The following BAZ1A variants were observed in gnomAD, a reference collection of about 807,000 sequenced individuals.
BAZ1A encodes the protein bromodomain adjacent to zinc finger domain 1A, also known as bromodomain adjacent to zinc finger domain protein 1A.
A neutral mutation model predicts 185.2 loss-of-function variants in BAZ1A; 50 were observed. The observed-to-expected ratio is 0.27, with a 90% CI of 0.22 to 0.34. The LOEUF is 0.34. Ranked by LOEUF, BAZ1A falls within the 10% of genes least tolerant of loss-of-function variation. The probability of loss-of-function intolerance (pLI) is 1.00; values close to 1 mark genes in which losing one functional copy is unlikely to be tolerated. For missense variants in BAZ1A, 1,356 were observed against 1,839.9 expected, an observed-to-expected ratio of 0.74 and a Z score of 4.81; for synonymous variants, 571 against 615.6, an observed-to-expected ratio of 0.93 and a Z score of 1.07.
chr14:34,836,378 C>CAAAAAAA (rs773500177), intron 3 of BAZ1A, among the ~76,000 whole-genome samples: 1 of 13,130 alleles, frequency 7.6e-5, no homozygotes, highest in Non-Finnish European at 1.2e-4. Context: ...GACTCCGTCT[C>CAAAAAAA]AAAAAAAAAA....
At position 34,762,283 on chromosome 14, in the gene BAZ1A, C is replaced by T. The variant is rs1315766833; in HGVS notation, c.3777-60G>A. ...AGAGCAATGATGAACATATGATTAG[C>T]TCTATTCTCCTTGTTGTATTTAGCC... On this transcript the variant is annotated intron_variant, in intron 23 of 26. Transcript: ENST00000360310. 3.4e-6 allele frequency: 5 copies of T among 1,460,582 alleles called. No individual in the cohort carries two copies. The East Asian group carries it at 9.1e-5, about 27-fold the overall frequency. 90.5% of individuals were successfully genotyped at this position (1,460,582 alleles called of 1,614,324 possible). A position where few individuals can be genotyped will look rare whatever the true frequency, so the allele number is the denominator to read the frequency against.
At chr14:34,855,110 A>G (rs1165807432) in intron 3 of BAZ1A, among the ~76,000 whole-genome samples, 1 of 152,050 alleles carries the variant, frequency 6.6e-6, no homozygotes, top group African/African-American at 2.4e-5. Flanking sequence ...AATAATACCA[A>G]GTGTTAAGTT....
At chr14:34,769,190 A>G (rs1190057619) in intron 21 of BAZ1A, among the ~76,000 whole-genome samples, 1 of 152,062 alleles carries the variant, frequency 6.6e-6, no homozygotes, top group African/African-American at 2.4e-5. Context: ...CTTCCCAATC[A>G]CTGATATTCT....
intron 12 of BAZ1A, among the ~76,000 whole-genome samples, chr14:34,790,168 CTTTTTTT>C (rs60291735): frequency 7.1e-6 from 1 of 140,670 alleles, no homozygotes; most frequent in South Asian, 2.3e-4. Context: ...TAAATATTTT[CTTTTTTT>C]TTTTTTTCCC....
chr14:34,771,956 C>T (rs113892727), intron 20 of BAZ1A, among the ~76,000 whole-genome samples: 7 of 150,508 alleles, frequency 4.7e-5, no homozygotes, highest in African/African-American at 1.7e-4. Context: ...CTTGTTTTGC[C>T]CTTTTTTTTT....
At chr14:34,777,016 T>C (rs1448600540) in intron 17 of BAZ1A, among the ~76,000 whole-genome samples, 1 of 152,176 alleles carries the variant, frequency 6.6e-6, no homozygotes, top group Non-Finnish European at 1.5e-5. Flanking sequence ...TACTTAAATC[T>C]AAAGGGGCAT....
chr14:34,783,621 C>T (rs1880201199), intron 15 of BAZ1A, 141 bp downstream of exon 15: 1 of 1,132,502 alleles, frequency 8.8e-7, no homozygotes, highest in Non-Finnish European at 1.2e-6. Flanking sequence ...GCCACCACAC[C>T]TGGCCTCATT....
At chr14:34,819,576 AC>A (rs1384984882) in intron 4 of BAZ1A, among the ~76,000 whole-genome samples, 1 of 152,138 alleles carries the variant, frequency 6.6e-6, no homozygotes. Context: ...GTGCATTTAA[AC>A]TTTCTCCGTG....
At chr14:34,833,011 A>G (rs555333979) in intron 3 of BAZ1A, among the ~76,000 whole-genome samples, 14 of 152,300 alleles carry the variant, frequency 9.2e-5, no homozygotes, top group African/African-American at 3.4e-4. Flanking sequence ...TACATGCTAC[A>G]ATGTGGATGA....
Position 34,759,184 on chromosome 14 carries a change from T to TTTTTTGTTTTTTG in BAZ1A, c.4244-339_4244-338insCAAAAAACAAAAA, listed in dbSNP as rs1555336963. Among the ~76,000 whole-genome samples, 3 of 108,028 alleles carry TTTTTTGTTTTTTG rather than the reference T, an allele frequency of 2.8e-5. 1 individual carries two copies. The highest frequency in any genetic ancestry group is 7.8e-5 in the African/African-American group (2 of 25,772). The allele number at this position is 108,028 out of a possible 152,430, so 70.9% of individuals were successfully genotyped here. A position where few individuals can be genotyped will look rare whatever the true frequency, so the allele number is the denominator to read the frequency against. Reference sequence around the variant, plus strand: ...TTTACAGCTACAGTTTTTTTTTTTTTTTTTTTTTTTTTTTGAGATGGAGTC... The same window carrying TTTTTTGTTTTTTG: ...TTTACAGCTACAGTTTTTTTTTTTTTTTTTTGTTTTTTGTTTTTTTTTTTTTTGAGATGGAGTC... On this transcript the variant is annotated intron_variant, in intron 24 of 26. Transcript: ENST00000360310.
At chr14:34,791,662 C>T (rs1316114335) in intron 12 of BAZ1A, among the ~76,000 whole-genome samples, 1 of 152,136 alleles carries the variant, frequency 6.6e-6, no homozygotes, top group Non-Finnish European at 1.5e-5. Context: ...TCTTTCTGTA[C>T]CAATATTCTG....
Position 34,792,785 on chromosome 14 carries a change from A to T in BAZ1A, c.1500T>A (p.Ala500=). Residue 500 remains alanine (A), a synonymous_variant, in exon 12 of 27, where the codon GCT becomes GCA. Coordinates refer to ENST00000360310, the MANE Select transcript of BAZ1A (RefSeq NM_013448.3). Reference sequence around the variant, plus strand: ...ATGTTGAACTCTGACCTTTGGTGTCAGCATCAGTTAGTTGCTCTTTGGCTA... The same window carrying T: ...ATGTTGAACTCTGACCTTTGGTGTCTGCATCAGTTAGTTGCTCTTTGGCTA... ...EEVAKEQLTD[A]DTKDLTEALD... 1 of 1,613,866 alleles carries T rather than the reference A, an allele frequency of 6.2e-7. No homozygotes were observed. The highest frequency in any genetic ancestry group is 1.3e-5 in the African/African-American group (1 of 75,062).
chr14:34,873,076 C>T (rs1193642676), intron 2 of BAZ1A, among the ~76,000 whole-genome samples: 1 of 152,134 alleles, frequency 6.6e-6, no homozygotes, highest in Non-Finnish European at 1.5e-5. Flanking sequence ...AAGTACTCTA[C>T]TTCTCTGGAT....
chr14:34,768,637 A>G, intron 21 of BAZ1A: 1 of 356,472 alleles, frequency 2.8e-6, no homozygotes, highest in Non-Finnish European at 5.4e-6. Context: ...AGAAAGTAAA[A>G]TCATTCTTTA....
At chr14:34,806,642 G>A (rs1881869883) in intron 6 of BAZ1A, among the ~76,000 whole-genome samples, 1 of 152,058 alleles carries the variant, frequency 6.6e-6, no homozygotes, top group East Asian at 1.9e-4. Context: ...TATTTAGTGT[G>A]CAATGTGAAA....
intron 21 of BAZ1A, 51 bp downstream of exon 21, chr14:34,771,460 C>CA: frequency 6.5e-7 from 1 of 1,532,952 alleles, no homozygotes; most frequent in Non-Finnish European, 8.8e-7. Flanking sequence ...AAGGCCAACT[C>CA]AAAATTACTT....
intron 3 of BAZ1A, among the ~76,000 whole-genome samples, chr14:34,844,773 ACGCG>A (rs1255387074): frequency 3.5e-4 from 13 of 37,282 alleles, no homozygotes; most frequent in Non-Finnish European, 1.0e-3. Context: ...ACACACACAC[ACGCG>A]CACACACACA....
At chr14:34,826,263 C>T in intron 3 of BAZ1A, 107 bp from the exon 4 acceptor site, 1 of 1,090,272 alleles carries the variant, frequency 9.2e-7, no homozygotes, top group Non-Finnish European at 1.3e-6. Context: ...TTTGCAGAGG[C>T]TATAGCTGAT....
chr14:34,787,544 G>A (rs372104137), intron 12 of BAZ1A, among the ~76,000 whole-genome samples: 10 of 151,676 alleles, frequency 6.6e-5, no homozygotes, highest in Non-Finnish European at 1.3e-4. Context: ...TTAGCTGGGC[G>A]TGGTGGCACA....
Sources: allele counts gnomAD v4.1 joint callset (sites outside exome capture counted in the v4.1 genomes callset), GRCh38; gene constraint gnomAD v4.1.1; transcripts MANE v1.5; gene names NCBI Gene and HGNC (gene_info 2026-07-23, HGNC 2026-07-21).